The following PRKAR1A variants were observed in gnomAD, a reference collection of about 807,000 sequenced individuals.
PRKAR1A encodes the protein protein kinase cAMP-dependent type I regulatory subunit alpha, also known as cAMP-dependent protein kinase type I-alpha regulatory subunit.
In PRKAR1A, 3 loss-of-function variants were observed where a neutral mutation model predicts 52.0. The observed-to-expected ratio is 0.06, with a 90% CI of 0.03 to 0.15. The LOEUF (loss-of-function observed/expected upper bound fraction) is 0.15, where lower values mean the gene tolerates loss of function less well. PRKAR1A is among the 10% of genes least tolerant of loss of function. PRKAR1A has a pLI of 1.00. For synonymous variants in PRKAR1A, 188 were observed against 168.4 expected (o/e 1.12, Z -0.90); for missense variants, 240 against 477.4 (o/e 0.50, Z 4.63).
intron 2 of PRKAR1A, among the ~76,000 whole-genome samples, chr17:68,517,239 G>A (rs2085462646): frequency 1.3e-5 from 2 of 152,140 alleles, no homozygotes; most frequent in South Asian, 4.1e-4. Context: ...TCCTTCCAGG[G>A]TTGAATATAG....
chr17:68,416,009 A>G, the PRKAR1A span, among the ~76,000 whole-genome samples: 1 of 152,168 alleles, frequency 6.6e-6, no homozygotes, highest in Non-Finnish European at 1.5e-5. Flanking sequence ...TAGACCATTT[A>G]CATTCAGTGT....
the PRKAR1A span, among the ~76,000 whole-genome samples, chr17:68,468,058 A>G: frequency 4.6e-5 from 7 of 152,054 alleles, no homozygotes; most frequent in East Asian, 1.4e-3. Context: ...ACCATGCCCA[A>G]CTAATTTATA....
At chr17:68,537,559 G>T (rs761058695), downstream of PRKAR1A, 1 of 1,613,370 alleles carries the variant, frequency 6.2e-7, no homozygotes, top group African/African-American at 1.3e-5. This position sits in a 1 kb window ranked among gnomAD's most constrained non-coding sequence, Gnocchi z 4.2. Context: ...CTGTCCATGG[G>T]CCACTATGCA....
At chr17:68,499,146 T>C in the PRKAR1A span, among the ~76,000 whole-genome samples, 1 of 152,208 alleles carries the variant, frequency 6.6e-6, no homozygotes, top group African/African-American at 2.4e-5. Context: ...TGTCATGAGC[T>C]CTTCAGACTC....
chr17:68,437,005 A>AT, the PRKAR1A span, among the ~76,000 whole-genome samples: 1,552 of 107,236 alleles, frequency 0.014, 48 homozygotes, highest in East Asian at 0.12. Flanking sequence ...AAAAAAAAAA[A>AT]ATATATATAT....
the PRKAR1A span, among the ~76,000 whole-genome samples, chr17:68,424,040 C>T: frequency 8.5e-5 from 13 of 152,226 alleles, no homozygotes; most frequent in East Asian, 7.7e-4. Context: ...CTGGAAGCCT[C>T]GACTTCAGGT....
intron 11 of PRKAR1A, among the ~76,000 whole-genome samples, chr17:68,547,698 T>G (rs758478567): frequency 2.9e-4 from 44 of 152,258 alleles, no homozygotes; most frequent in Non-Finnish European, 5.9e-4. Flanking sequence ...AAGCTTTGGC[T>G]TAAGGGAATG....
the PRKAR1A span, among the ~76,000 whole-genome samples, chr17:68,439,566 C>T: frequency 1.3e-5 from 2 of 152,080 alleles, no homozygotes; most frequent in East Asian, 1.9e-4. Context: ...TACACAATTC[C>T]GTGAATATAC....
the PRKAR1A span, chr17:68,426,238 C>CGGGGG: frequency 8.1e-6 from 5 of 615,182 alleles, no homozygotes; most frequent in Admixed American, 5.8e-5. Context: ...CATGACCTGG[C>CGGGGG]GGGTGGGGAG....
chr17:68,430,282 A>C, the PRKAR1A span: 1 of 971,540 alleles, frequency 1.0e-6, no homozygotes, highest in Non-Finnish European at 1.5e-6. Flanking sequence ...GTGCCTTAGC[A>C]TAATGTTCTG....
chr17:68,457,521 G>GC, the PRKAR1A span: 33 of 600,012 alleles, frequency 5.5e-5, no homozygotes, highest in African/African-American at 1.7e-3. Flanking sequence ...GTCCTGCCCC[G>GC]CCCCTACCCC....
At chr17:68,472,807 G>A in the PRKAR1A span, among the ~76,000 whole-genome samples, 5 of 152,012 alleles carry the variant, frequency 3.3e-5, no homozygotes, top group East Asian at 3.9e-4. Flanking sequence ...TTAGCTGGGC[G>A]TGGTGGCATG....
rs2085950169 is a variant in PRKAR1A at position 68,530,651 on chromosome 17, A to G, written c.*202A>G. 19 of 1,474,074 alleles carry G rather than the reference A, an allele frequency of 1.3e-5. No homozygotes were observed. In the South Asian group the frequency reaches 2.5e-4, roughly 20 times the overall value. The allele number at this position is 1,474,074 out of a possible 1,614,324, so 91.3% of individuals were successfully genotyped here. Reference sequence around the variant, plus strand: ...TGCTCATACACAGTTAAATAAATAGAAAGAGTTCTATGGAGACTTTGCTGT... The same window carrying G: ...TGCTCATACACAGTTAAATAAATAGGAAGAGTTCTATGGAGACTTTGCTGT... On this transcript the variant is annotated 3_prime_UTR_variant, in exon 11 of 11. Coordinates refer to ENST00000589228, the MANE Select transcript of PRKAR1A (RefSeq NM_002734.5).
intron 11 of PRKAR1A, chr17:68,539,334 T>G: frequency 1.2e-6 from 2 of 1,614,196 alleles, no homozygotes; most frequent in Non-Finnish European, 1.7e-6. Flanking sequence ...CAGGAAAACT[T>G]ACATGCAGCA....
intron 11 of PRKAR1A, chr17:68,540,973 A>G: frequency 6.4e-7 from 1 of 1,569,248 alleles, no homozygotes; most frequent in Non-Finnish European, 8.7e-7. Flanking sequence ...GGGGGAGAAG[A>G]AGTCCTGGGG....
At chr17:68,548,497 T>A (rs976398162) in intron 11 of PRKAR1A, among the ~76,000 whole-genome samples, 1 of 151,452 alleles carries the variant, frequency 6.6e-6, no homozygotes, top group African/African-American at 2.4e-5. Flanking sequence ...ACCATTGCAC[T>A]CCAGCCTGGG....
the PRKAR1A span, among the ~76,000 whole-genome samples, chr17:68,446,647 T>G: frequency 6.6e-6 from 1 of 152,254 alleles, no homozygotes; most frequent in Admixed American, 6.5e-5. Flanking sequence ...ATGCCGTGGT[T>G]AGAACTACGT....
chr17:68,515,820 C>A, intron 2 of PRKAR1A: 1 of 517,412 alleles, frequency 1.9e-6, no homozygotes, highest in African/African-American at 1.9e-5. Context: ...GGTTTCCAAA[C>A]AATTCTTTGT....
At chr17:68,524,866 T>C in intron 5 of PRKAR1A, 46 bp from the exon 6 acceptor site, 1 of 1,434,632 alleles carries the variant, frequency 7.0e-7, no homozygotes, top group Non-Finnish European at 9.8e-7. Flanking sequence ...TGATAATTTC[T>C]TTCTTTAATT....
Sources: gnomAD v4.1 joint callset for allele counts (sites outside exome capture counted in the v4.1 genomes callset) on GRCh38, gnomAD v4.1.1 for gene constraint, Gnocchi (gnomAD v3.1) non-coding constraint, MANE v1.5 for transcripts, NCBI Gene and HGNC (gene_info 2026-07-23, HGNC 2026-07-21) for gene names.